The following HOXA2 variants were observed in gnomAD, a reference collection of about 807,000 sequenced individuals.
HOXA2 encodes homeobox A2, also known as homeobox protein Hox-A2.
A neutral mutation model predicts 27.2 loss-of-function variants in HOXA2; 4 were observed. The observed-to-expected ratio is 0.15, with a 90% CI of 0.07 to 0.34. HOXA2 has a LOEUF of 0.34. Among genes scored for constraint, HOXA2 ranks in the 10% least tolerant of loss-of-function variants. The pLI is 1.00. For synonymous variants in HOXA2, 200 were observed against 202.8 expected, an observed-to-expected ratio of 0.99 and a Z score of 0.12; for missense variants, 430 against 473.2, an observed-to-expected ratio of 0.91 and a Z score of 0.85.
Position 27,100,739 on chromosome 7 carries a change from T to C in HOXA2, c.1118A>G (p.His373Arg). 6.2e-7 allele frequency: 1 copy of C among 1,614,228 alleles called. No individual in the cohort carries two copies. The highest frequency in any genetic ancestry group is 1.7e-5 in the Admixed American group (1 of 60,028). ...TDTLTTIDLQ[H>R]LNY ...GCTTTAATGTTTTTAGTAATTCAGA[T>C]GCTGCAAGTCGATTGTGGTGAGTGT... The change falls in exon 2 of 2, where the codon CAT (histidine) becomes CGT (arginine). Residue 373 changes from histidine (H) to arginine (R), a missense_variant. Physicochemically the swap from His to Arg is conservative, Grantham distance 29 (BLOSUM62 0). This residue lies in a region of HOXA2 where 236 missense variants were observed against 208.5 expected (regional missense o/e 1.13). Transcript: ENST00000222718.
rs1783949207 is a variant in HOXA2, at chr7:27,102,624, G to T, written c.-124C>A. ...AATCTATCATAGAATATCGCTGCTAGGGTGTTTTTTTTCTAATTCACTGAT... is the reference window on the plus strand; with the variant it reads ...AATCTATCATAGAATATCGCTGCTATGGTGTTTTTTTTCTAATTCACTGAT... On this transcript the variant is annotated 5_prime_UTR_variant, in exon 1 of 2. Coordinates refer to ENST00000222718, the MANE Select transcript of HOXA2 (RefSeq NM_006735.4). This position sits in a 1 kb window ranked among gnomAD's most constrained non-coding sequence, Gnocchi z 4.6. The T allele has an allele frequency of 2.1e-6, 2 of 936,960 alleles. No homozygotes were observed. Among genetic ancestry groups the T allele is most frequent in the Non-Finnish European group, 3.3e-6 (2 of 610,246 alleles). The allele number at this position is 936,960 out of a possible 1,614,324, so 58.0% of individuals were successfully genotyped here.
rs774102766 is a variant in HOXA2, at chr7:27,102,415, G to A, written c.86C>T (p.Ala29Val). Residue 29 changes from alanine (A) to valine (V), a missense_variant, in exon 1 of 2, where the codon GCT becomes GTT. Around this residue, in one of 4 missense-constraint regions of HOXA2, gnomAD observed 166 missense variants for 207.6 expected, o/e 0.80. Transcript: ENST00000222718. This position sits in a 1 kb window ranked among gnomAD's most constrained non-coding sequence, Gnocchi z 4.6. ...GATTGATGAACTTTGAAATGTATCA[G>A]CGACAGGGGGAAAAGATGTCAGGCA... Reference protein sequence around the residue: ...AECLTSFPPVADTFQSSSIKT... With the variant: ...AECLTSFPPVVDTFQSSSIKT... The A allele has an allele frequency of 6.2e-7, 1 of 1,614,144 alleles. No homozygotes were observed. Among genetic ancestry groups the A allele is most frequent in the Non-Finnish European group, 8.5e-7 (1 of 1,179,994 alleles).
chr7:27,100,736 A>C lies in HOXA2; in HGVS notation c.1121T>G (p.Leu374Arg). 1 of 1,614,216 alleles carries C rather than the reference A, an allele frequency of 6.2e-7. No individual in the cohort carries two copies. Among genetic ancestry groups the C allele is most frequent in the Non-Finnish European group, 8.5e-7 (1 of 1,180,054 alleles). ...TTTGCTTTAATGTTTTTAGTAATTC[A>C]GATGCTGCAAGTCGATTGTGGTGAG... ...DTLTTIDLQH[L>R]NY The change falls in exon 2 of 2, where the codon CTG (leucine) becomes CGG (arginine). Residue 374 changes from leucine (L) to arginine (R), a missense_variant. Transcript: ENST00000222718.
In HOXA2 at chr7:27,102,574, A is replaced by G. The variant is rs1335075818; in HGVS notation, c.-74T>C. ...GGGCTTTGGGGGGGCAAGGCCTAGG[A>G]AAAAGGCGAGCGCAGAGGAAAAAAA... On this transcript the variant is annotated 5_prime_UTR_variant, in exon 1 of 2. Transcript: ENST00000222718. This position sits in a 1 kb window ranked among gnomAD's most constrained non-coding sequence, Gnocchi z 4.6. 9 of 1,468,666 alleles carry G rather than the reference A, an allele frequency of 6.1e-6. No individual in the cohort carries two copies. The highest frequency in any genetic ancestry group is 7.5e-6 in the Non-Finnish European group (8 of 1,059,932). 91.0% of individuals were successfully genotyped at this position (1,468,666 alleles called of 1,614,324 possible). A position where few individuals can be genotyped will look rare whatever the true frequency, so the allele number is the denominator to read the frequency against.
chr7:27,102,192 C>T lies in HOXA2; in HGVS notation c.309G>A (p.Ala103=), dbSNP rs1783940863. 2 of 1,553,202 alleles carry T rather than the reference C, an allele frequency of 1.3e-6. No individual in the cohort carries two copies. Among genetic ancestry groups the T allele is most frequent in the Non-Finnish European group, 1.7e-6 (2 of 1,148,870 alleles). ...PEYPWMKEKK[A]AKKTALLPAA... ...CCGGCAGAAGTGCGGTTTTCTTGGC[C>T]GCCTTCTTCTCCTTCATCCAGGGGT... The change falls in exon 1 of 2, where the codon GCG becomes GCA. Residue 103 remains alanine, a synonymous_variant. Transcript: ENST00000222718. The surrounding 1 kb of genome is among the most constrained non-coding windows in gnomAD (Gnocchi z 4.6).
chr7:27,101,446 A>G lies in HOXA2; in HGVS notation c.411T>C (p.Asp137=). 2.5e-6 allele frequency: 4 copies of G among 1,600,506 alleles called. No individual in the cohort carries two copies. Among genetic ancestry groups the G allele is most frequent in the South Asian group, 1.1e-5 (1 of 91,086 alleles). Residue 137 remains aspartate, a synonymous_variant, in exon 2 of 2, where the codon GAT becomes GAC. Transcript: ENST00000222718. ...LSHKESLEIA[D]GSGGGSRRLR... is the part of the protein sequence containing the mutation. Reference sequence around the variant, plus strand: ...GGCGCCGCGATCCCCCGCCGCTGCCATCGGCGATTTCCAGGGATTCTGCGG... The same window carrying G: ...GGCGCCGCGATCCCCCGCCGCTGCCGTCGGCGATTTCCAGGGATTCTGCGG...
Position 27,100,804 on chromosome 7 carries a change from G to C in HOXA2, c.1053C>G (p.Pro351=), listed in dbSNP as rs570261739. Reference sequence around the variant, plus strand: ...CTAAGCTGTCAGCTGAAATATCTACGGGACTGTCGAGGGAACCTGGCAAAC... The same window carrying C: ...CTAAGCTGTCAGCTGAAATATCTACCGGACTGTCGAGGGAACCTGGCAAAC... The part of the protein sequence containing the change: ...SPSLPGSLDS[P]VDISADSLDF... Residue 351 remains proline (P), a synonymous_variant, in exon 2 of 2, where the codon CCC becomes CCG. Transcript: ENST00000222718. 6.2e-7 allele frequency: 1 copy of C among 1,614,046 alleles called. No individual in the cohort carries two copies. Among genetic ancestry groups the C allele is most frequent in the Non-Finnish European group, 8.5e-7 (1 of 1,180,026 alleles).
In HOXA2 at chr7:27,102,369, G is replaced by A; in HGVS notation, c.132C>T (p.His44=). ...CAAAAGGAGGAGGAATCAGTGTCGAGTGTGAAAGCGTCGAGGTCTTGATTG... is the reference window on the plus strand; with the variant it reads ...CAAAAGGAGGAGGAATCAGTGTCGAATGTGAAAGCGTCGAGGTCTTGATTG... ...SSSIKTSTLS[H]STLIPPPFEQ... Residue 44 remains histidine (H), a synonymous_variant, in exon 1 of 2, where the codon CAC becomes CAT. Transcript: ENST00000222718. The surrounding 1 kb of genome is among the most constrained non-coding windows in gnomAD (Gnocchi z 4.6). 1.9e-6 allele frequency: 3 copies of A among 1,614,160 alleles called. No individual in the cohort carries two copies. The highest frequency in any genetic ancestry group is 2.5e-6 in the Non-Finnish European group (3 of 1,180,000).
At chr7:27,101,954 C>CT in intron 1 of HOXA2, 156 bp downstream of exon 1, 1 of 1,065,560 alleles carries the variant, frequency 9.4e-7, no homozygotes, top group Non-Finnish European at 1.4e-6. Flanking sequence ...ATCAAACCCA[C>CT]TCCTGAACCC....
chr7:27,102,516 G>GC lies in HOXA2; in HGVS notation c.-17dup. ...CGTAATTCATGGCCTTCTCCTTGGA[G>GC]CCCCCTCAGAGAAAAAGTTCCCTCT... On this transcript the variant is annotated 5_prime_UTR_variant, in exon 1 of 2. Coordinates refer to ENST00000222718, the MANE Select transcript of HOXA2 (RefSeq NM_006735.4). This position sits in a 1 kb window ranked among gnomAD's most constrained non-coding sequence, Gnocchi z 4.6. 2 of 1,612,312 alleles carry GC rather than the reference G, an allele frequency of 1.2e-6. No homozygotes were observed. Among genetic ancestry groups the GC allele is most frequent in the Non-Finnish European group, 1.7e-6 (2 of 1,179,812 alleles).
chr7:27,101,600 A>C, intron 1 of HOXA2, 135 bp from the exon 2 acceptor site: 1 of 1,022,998 alleles, frequency 9.8e-7, no homozygotes, highest in Non-Finnish European at 1.5e-6. Flanking sequence ...GATGCAGTAG[A>C]GCTATTGTGC....
Position 27,100,716 on chromosome 7 carries a change from T to G in HOXA2, c.*10A>C. The stretch of plus-strand genomic sequence containing the variant: ...TTTGTTTGGTGATGCTTTGTTTTGC[T>G]TTAATGTTTTTAGTAATTCAGATGC... On this transcript the variant is annotated 3_prime_UTR_variant, in exon 2 of 2. Coordinates refer to ENST00000222718, the MANE Select transcript of HOXA2 (RefSeq NM_006735.4). 1 of 1,614,112 alleles carries G rather than the reference T, an allele frequency of 6.2e-7. No individual in the cohort carries two copies. The highest frequency in any genetic ancestry group is 1.3e-5 in the African/African-American group (1 of 75,066).
chr7:27,102,268 G>T lies in HOXA2; in HGVS notation c.233C>A (p.Ala78Glu). The T allele has an allele frequency of 6.5e-7, 1 of 1,536,844 alleles. No homozygotes were observed. Among genetic ancestry groups the T allele is most frequent in the South Asian group, 1.2e-5 (1 of 82,110 alleles). ...GGGCACCGGGCTGCCGCGGCTGCCC[G>T]CGGGGCTCGGCTTGGGGCGGCCGCC... is the stretch of plus-strand genomic sequence containing the variant. ...GAGGRPKPSP[A>E]GSRGSPVPAG... The change falls in exon 1 of 2, where the codon GCG (alanine) becomes GAG (glutamate). Residue 78 changes from alanine (A) to glutamate (E), a missense_variant. Coordinates refer to ENST00000222718, the MANE Select transcript of HOXA2 (RefSeq NM_006735.4). This position sits in a 1 kb window ranked among gnomAD's most constrained non-coding sequence, Gnocchi z 4.6.
Position 27,101,184 on chromosome 7 carries a change from C to T in HOXA2, c.673G>A (p.Glu225Lys), listed in dbSNP as rs1196981754. Reference sequence around the variant, plus strand: ...AAGAGCGTCTTCTCTTCCTCGTCCTCCTCTACTTTCTCGGAGTCCTCAAGG... The same window carrying T: ...AAGAGCGTCTTCTCTTCCTCGTCCTTCTCTACTTTCTCGGAGTCCTCAAGG... ...KSLEDSEKVE[E>K]DEEEKTLFEQ... The change falls in exon 2 of 2, where the codon GAG becomes AAG. Residue 225 changes from glutamate (E) to lysine (K), a missense_variant. Around this residue, in one of 4 missense-constraint regions of HOXA2, gnomAD observed 236 missense variants for 208.5 expected, o/e 1.13. Coordinates refer to ENST00000222718, the MANE Select transcript of HOXA2 (RefSeq NM_006735.4). 6.2e-7 allele frequency: 1 copy of T among 1,614,044 alleles called. No homozygotes were observed. Among genetic ancestry groups the T allele is most frequent in the African/African-American group, 1.3e-5 (1 of 74,914 alleles).
chr7:27,100,476 C>T lies in HOXA2; in HGVS notation c.*250G>A, dbSNP rs2128034719. On this transcript the variant is annotated 3_prime_UTR_variant, in exon 2 of 2. Transcript: ENST00000222718. ...TGATCACTTTCTTGCAGGCCTCATA[C>T]TGCTCTCAGGAATCACATAAAGGGT... The T allele has an allele frequency of 1.9e-6, 1 of 521,196 alleles. No homozygotes were observed. Among genetic ancestry groups the T allele is most frequent in the Admixed American group, 3.4e-5 (1 of 29,358 alleles). The allele number at this position is 521,196 out of a possible 1,614,324, so 32.3% of individuals were successfully genotyped here.
At position 27,102,669 on chromosome 7, in the gene HOXA2, C is replaced by A; in HGVS notation, c.-169G>T. On this transcript the variant is annotated 5_prime_UTR_variant, in exon 1 of 2. Coordinates refer to ENST00000222718, the MANE Select transcript of HOXA2 (RefSeq NM_006735.4). This position sits in a 1 kb window ranked among gnomAD's most constrained non-coding sequence, Gnocchi z 4.6. ...ACTGATTACAGCCGTATGGGGACCG[C>A]GCTACTATTAAACTATTGAATTCAT... 1.6e-6 allele frequency: 1 copy of A among 630,040 alleles called. No homozygotes were observed. Among genetic ancestry groups the A allele is most frequent in the South Asian group, 1.9e-5 (1 of 53,594 alleles). 39.0% of individuals were successfully genotyped at this position (630,040 alleles called of 1,614,324 possible).
In HOXA2 at chr7:27,102,249, C is replaced by T; in HGVS notation, c.252G>A (p.Pro84=). ...GCGGCTGCAGGGCGCCGGCGGGCAC[C>T]GGGCTGCCGCGGCTGCCCGCGGGGC... The part of the protein sequence containing the change: ...KPSPAGSRGS[P]VPAGALQPPE... Residue 84 remains proline (P), a synonymous_variant, in exon 1 of 2, where the codon CCG becomes CCA. Transcript: ENST00000222718. The surrounding 1 kb of genome is among the most constrained non-coding windows in gnomAD (Gnocchi z 4.6). 1 of 1,477,624 alleles carries T rather than the reference C, an allele frequency of 6.8e-7. No individual in the cohort carries two copies. The highest frequency in any genetic ancestry group is 9.0e-7 in the Non-Finnish European group (1 of 1,115,078). 91.5% of individuals were successfully genotyped at this position (1,477,624 alleles called of 1,614,324 possible). A position where few individuals can be genotyped will look rare whatever the true frequency, so the allele number is the denominator to read the frequency against.
chr7:27,102,633 T>G lies in HOXA2; in HGVS notation c.-133A>C. ...TAGAATATCGCTGCTAGGGTGTTTT[T>G]TTTCTAATTCACTGATTACAGCCGT... On this transcript the variant is annotated 5_prime_UTR_variant, in exon 1 of 2. Transcript: ENST00000222718. The surrounding 1 kb of genome is among the most constrained non-coding windows in gnomAD (Gnocchi z 4.6). 1 of 836,198 alleles carries G rather than the reference T, an allele frequency of 1.2e-6. No homozygotes were observed. Among genetic ancestry groups the G allele is most frequent in the East Asian group, 2.6e-5 (1 of 37,810 alleles). 51.8% of individuals were successfully genotyped at this position (836,198 alleles called of 1,614,324 possible). A position where few individuals can be genotyped will look rare whatever the true frequency, so the allele number is the denominator to read the frequency against.
At chr7:27,101,797 A>T (rs1360659687) in intron 1 of HOXA2, 1 of 687,778 alleles carries the variant, frequency 1.5e-6, no homozygotes, top group Non-Finnish European at 2.7e-6. Flanking sequence ...TACTGTCAAA[A>T]AGCCAAACTC....
Sources: allele counts gnomAD v4.1 joint callset, GRCh38; gene constraint gnomAD v4.1.1; regional missense constraint gnomAD v4.1.1; non-coding constraint Gnocchi (gnomAD v3.1); transcripts MANE v1.5; gene names NCBI Gene and HGNC (gene_info 2026-07-23, HGNC 2026-07-21).